The following ST7 variants were observed in gnomAD, a reference collection of about 807,000 sequenced individuals.
ST7 encodes suppression of tumorigenicity 7, also known as suppressor of tumorigenicity 7 protein.
ST7 carries 28 observed loss-of-function variants against 78.7 expected under a neutral mutation model. That is an observed-to-expected ratio of 0.36 (90% CI 0.26 to 0.49). ST7 has a LOEUF of 0.49. ST7 is among the 20% of genes least tolerant of loss of function. ST7 has a pLI of 0.99. For synonymous variants in ST7, 247 were observed against 249.6 expected, an observed-to-expected ratio of 0.99 and a Z score of 0.10; for missense variants, 418 against 696.0, an observed-to-expected ratio of 0.60 and a Z score of 4.49.
intron 1 of ST7, among the ~76,000 whole-genome samples, chr7:116,990,704 G>A (rs1389843840): frequency 6.6e-6 from 1 of 151,954 alleles, no homozygotes. Flanking sequence ...CTTTAAAATT[G>A]TAAATCCCCT....
At chr7:117,193,393 C>A (rs1584561965) in intron 12 of ST7, among the ~76,000 whole-genome samples, 1 of 152,180 alleles carries the variant, frequency 6.6e-6, no homozygotes, top group African/African-American at 2.4e-5. Context: ...ACAGTGCTAG[C>A]TGAAGTATAT....
In ST7 at chr7:117,198,618, C is replaced by T; in HGVS notation, c.1254+7682C>T. ...ATTCTTGTTCTGAGCCTGGTACCAT[C>T]CTTGCTCCATGCCAACCCACTCCCA... On this transcript the variant is annotated intron_variant, in intron 12 of 15. Transcript: ENST00000323984. 1.4e-5 allele frequency: 3 copies of T among 217,886 alleles called. No homozygotes were observed. In the South Asian group the frequency reaches 1.9e-4, roughly 14 times the overall value. The allele number at this position is 217,886 out of a possible 1,614,324, so 13.5% of individuals were successfully genotyped here. A position where few individuals can be genotyped will look rare whatever the true frequency, so the allele number is the denominator to read the frequency against.
At chr7:117,134,598 CCT>C (rs1218206940) in intron 7 of ST7, among the ~76,000 whole-genome samples, 1 of 152,000 alleles carries the variant, frequency 6.6e-6, no homozygotes, top group Non-Finnish European at 1.5e-5. Flanking sequence ...ATAGCTAATT[CCT>C]CTGATACTGT....
chr7:117,225,698 A>G (rs1793396930), intron 15 of ST7, among the ~76,000 whole-genome samples: 1 of 152,152 alleles, frequency 6.6e-6, no homozygotes, highest in African/African-American at 2.4e-5. Context: ...TGCTGAGATA[A>G]TGTCCCTGGG....
chr7:116,995,186 A>T (rs1273463676), intron 1 of ST7, among the ~76,000 whole-genome samples: 2 of 152,234 alleles, frequency 1.3e-5, no homozygotes, highest in African/African-American at 4.8e-5. Context: ...TCTAGTACAT[A>T]GATGGAAGAC....
At chr7:117,097,880 CTATATATATATA>C (rs373598650) in intron 1 of ST7, among the ~76,000 whole-genome samples, 8 of 10,604 alleles carry the variant, frequency 7.5e-4, no homozygotes, top group African/African-American at 8.3e-4. Flanking sequence ...TGACATATCA[CTATATATATATA>C]TATATATATA....
Position 117,222,082 on chromosome 7 carries a change from G to T in ST7, c.1638+20G>T. 6.3e-7 allele frequency: 1 copy of T among 1,594,826 alleles called. No individual in the cohort carries two copies. Among genetic ancestry groups the T allele is most frequent in the Non-Finnish European group, 8.5e-7 (1 of 1,173,488 alleles). On this transcript the variant is annotated intron_variant, in intron 15 of 15. Coordinates refer to ENST00000323984, the MANE Select transcript of ST7 (RefSeq NM_001369598.1). ...AAAGCTGTGAGTGTTTGCCTAGAGG[G>T]AGGCCTTGGGGAATGGATGGGGAAA...
chr7:117,172,428 G>T (rs780214145), intron 10 of ST7, among the ~76,000 whole-genome samples: 16 of 152,284 alleles, frequency 1.1e-4, no homozygotes, highest in Admixed American at 6.5e-4. Flanking sequence ...GCATCATTTT[G>T]CCTGTGCAGA....
intron 1 of ST7, among the ~76,000 whole-genome samples, chr7:117,043,178 C>T (rs1204652281): frequency 1.3e-5 from 2 of 152,176 alleles, no homozygotes; most frequent in African/African-American, 4.8e-5. Flanking sequence ...TTTTCTAGCT[C>T]TCTACTTCCT....
At chr7:117,198,872 A>G (rs1445561858) in intron 12 of ST7, among the ~76,000 whole-genome samples, 1 of 152,080 alleles carries the variant, frequency 6.6e-6, no homozygotes, top group East Asian at 1.9e-4. Flanking sequence ...TCTTTCTGTT[A>G]TATAACTCAT....
chr7:117,148,397 A>G (rs1053001463), intron 9 of ST7, among the ~76,000 whole-genome samples: 96 of 152,276 alleles, frequency 6.3e-4, no homozygotes, highest in African/African-American at 2.3e-3. Context: ...TAAGTTTTTG[A>G]TGGATCATTT....
intron 9 of ST7, among the ~76,000 whole-genome samples, chr7:117,154,336 C>A (rs182559227): frequency 8.5e-5 from 13 of 152,300 alleles, no homozygotes; most frequent in Admixed American, 7.8e-4. Flanking sequence ...GACCTCCCAG[C>A]CTCCAGAACT....
intron 14 of ST7, among the ~76,000 whole-genome samples, chr7:117,220,085 T>C (rs1326436033): frequency 2.0e-5 from 3 of 152,208 alleles, no homozygotes; most frequent in Non-Finnish European, 4.4e-5. Flanking sequence ...ATCTTATAGC[T>C]GTAACATATA....
intron 9 of ST7, among the ~76,000 whole-genome samples, chr7:117,147,567 A>AT (rs1805904180): frequency 6.6e-6 from 1 of 150,542 alleles, no homozygotes; most frequent in Admixed American, 6.6e-5. Context: ...CTTCCTTTTC[A>AT]TTTTGTATTT....
chr7:117,225,046 C>A (rs549523546), intron 15 of ST7, among the ~76,000 whole-genome samples: 231 of 152,272 alleles, frequency 1.5e-3, no homozygotes, highest in Non-Finnish European at 2.8e-3. Context: ...GATGTACAAC[C>A]AGTGTATTGA....
intron 9 of ST7, among the ~76,000 whole-genome samples, chr7:117,143,975 C>T (rs1017397302): frequency 6.6e-6 from 1 of 152,092 alleles, no homozygotes; most frequent in African/African-American, 2.4e-5. Flanking sequence ...TGAGGATCCC[C>T]AAACCTTCGT....
chr7:117,222,832 T>G lies in ST7; in HGVS notation c.1638+770T>G, dbSNP rs62469379. The G allele has an allele frequency of 2.8e-3, 4,432 of 1,558,554 alleles. 5 individuals are homozygous for G. Among genetic ancestry groups the G allele is most frequent in the Non-Finnish European group, 3.7e-3 (4,142 of 1,129,438 alleles). ...GCAATCAGAAAGGATGATTTCTAAC[T>G]TGGCTGGGTTGATTTAATCCCTTTC... On this transcript the variant is annotated intron_variant, in intron 15 of 15. Coordinates refer to ENST00000323984, the MANE Select transcript of ST7 (RefSeq NM_001369598.1).
At chr7:117,139,049 A>G (rs966932490) in intron 9 of ST7, among the ~76,000 whole-genome samples, 1 of 152,168 alleles carries the variant, frequency 6.6e-6, no homozygotes, top group Non-Finnish European at 1.5e-5. Flanking sequence ...ATTTTCCTAG[A>G]TTCTTGAACC....
intron 12 of ST7, among the ~76,000 whole-genome samples, chr7:117,208,822 TA>T (rs1792016142): frequency 6.6e-6 from 1 of 152,080 alleles, no homozygotes; most frequent in Non-Finnish European, 1.5e-5. Flanking sequence ...TGTAGTCTAC[TA>T]GTCTCCATTT....
Sources: allele counts gnomAD v4.1 joint callset (sites outside exome capture counted in the v4.1 genomes callset), GRCh38; gene constraint gnomAD v4.1.1; transcripts MANE v1.5; gene names NCBI Gene and HGNC (gene_info 2026-07-23, HGNC 2026-07-21).